Variants in TDRD9 observed in about 807,000 individuals in gnomAD.
The protein encoded by TDRD9 is tudor domain containing 9, also known as ATP-dependent RNA helicase TDRD9.
In TDRD9, 124 loss-of-function variants were observed where a neutral mutation model predicts 172.6. That is an observed-to-expected ratio of 0.72 (90% CI 0.62 to 0.83). The LOEUF is 0.83. Among genes scored for constraint, TDRD9 ranks in the 40% least tolerant of loss-of-function variants. The probability of loss-of-function intolerance (pLI) is 0.00; values close to 1 mark genes in which losing one functional copy is unlikely to be tolerated. For synonymous variants in TDRD9, 619 were observed against 617.1 expected, an observed-to-expected ratio of 1.00 and a Z score of -0.05; for missense variants, 1,479 against 1,714.1, an observed-to-expected ratio of 0.86 and a Z score of 2.42.
chr14:103,972,356 C>T (rs2033071008), intron 6 of TDRD9, among the ~76,000 whole-genome samples: 1 of 151,818 alleles, frequency 6.6e-6, no homozygotes, highest in African/African-American at 2.4e-5. Flanking sequence ...ATCTGCAGTC[C>T]CTGTGTTCGA....
At position 103,997,792 on chromosome 14, in the gene TDRD9, G is replaced by A. The variant is rs1456015545; in HGVS notation, c.1379-832G>A. ...GGGGATGGAGTGGAGGAGTGCATCA[G>A]ATGCCCATGGCGGGTCAAGGAGGAC... On this transcript the variant is annotated intron_variant, in intron 12 of 35. Coordinates refer to ENST00000409874, the MANE Select transcript of TDRD9 (RefSeq NM_153046.3). The surrounding 1 kb of genome is among the most constrained non-coding windows in gnomAD (Gnocchi z 5.1). Among the ~76,000 whole-genome samples, 4 of 152,214 alleles carry A rather than the reference G, an allele frequency of 2.6e-5. No homozygotes were observed. Among genetic ancestry groups the A allele is most frequent in the Admixed American group, 6.5e-5 (1 of 15,288 alleles).
At chr14:103,956,814 T>C (rs2032268973) in intron 2 of TDRD9, among the ~76,000 whole-genome samples, 1 of 152,030 alleles carries the variant, frequency 6.6e-6, no homozygotes, top group Non-Finnish European at 1.5e-5. Flanking sequence ...GAGTATGGAG[T>C]TTTTTTCTGA....
chr14:103,978,697 A>G (rs1478351956), intron 7 of TDRD9, among the ~76,000 whole-genome samples: 1 of 152,222 alleles, frequency 6.6e-6, no homozygotes, highest in Non-Finnish European at 1.5e-5. Flanking sequence ...GAGGAAGACC[A>G]CAGGCTGAGG....
intron 9 of TDRD9, among the ~76,000 whole-genome samples, chr14:103,993,845 CACA>C (rs2033961286): frequency 3.3e-5 from 5 of 152,202 alleles, no homozygotes; most frequent in African/African-American, 1.2e-4. Flanking sequence ...TTTTAGGGGA[CACA>C]GTTCAACCCA....
At chr14:103,995,835 G>A in intron 12 of TDRD9, 28 bp downstream of exon 12, 1 of 1,582,458 alleles carries the variant, frequency 6.3e-7, no homozygotes, top group Non-Finnish European at 8.6e-7. Flanking sequence ...TTACCTCCTG[G>A]CATTAGCTGT....
chr14:103,952,045 G>A (rs1377394490), intron 1 of TDRD9, among the ~76,000 whole-genome samples: 5 of 150,416 alleles, frequency 3.3e-5, no homozygotes, highest in Admixed American at 1.3e-4. Context: ...TGGGATTACC[G>A]GCGTGAGCCA....
chr14:103,933,163 C>T (rs999396648), intron 1 of TDRD9, among the ~76,000 whole-genome samples: 32 of 152,218 alleles, frequency 2.1e-4, no homozygotes, highest in Non-Finnish European at 1.0e-4. Flanking sequence ...ATTATTCTTT[C>T]TGTTATCCTT....
Position 104,034,831 on chromosome 14 carries a change from G to T in TDRD9, c.3620-129G>T, listed in dbSNP as rs1038349794. The T allele has an allele frequency of 6.2e-6, 4 of 643,628 alleles. No homozygotes were observed. The East Asian group carries it at 1.1e-4, about 18-fold the overall frequency. 39.9% of individuals were successfully genotyped at this position (643,628 alleles called of 1,614,324 possible). ...GGAGTGTGCGTTACTATTGGGGTGGGCCTGTGGGGACTGGACAGACTCAGC... is the reference window on the plus strand; with the variant it reads ...GGAGTGTGCGTTACTATTGGGGTGGTCCTGTGGGGACTGGACAGACTCAGC... On this transcript the variant is annotated intron_variant, in intron 31 of 35. Coordinates refer to ENST00000409874, the MANE Select transcript of TDRD9 (RefSeq NM_153046.3).
At chr14:104,038,898 G>A (rs2035530378) in intron 32 of TDRD9, among the ~76,000 whole-genome samples, 1 of 152,138 alleles carries the variant, frequency 6.6e-6, no homozygotes, top group South Asian at 2.1e-4. Flanking sequence ...TCAAACTCTT[G>A]GCCTCAAGTG....
intron 34 of TDRD9, among the ~76,000 whole-genome samples, chr14:104,048,395 C>T (rs971882057): frequency 6.6e-5 from 10 of 152,146 alleles, no homozygotes; most frequent in African/African-American, 1.2e-4. Context: ...TATGTGACCA[C>T]GCCCAGCTCG....
chr14:104,024,620 T>C lies in TDRD9; in HGVS notation c.2658T>C (p.Phe886=), dbSNP rs752691504. ...KQTVDPMQVS[F]NTSDRSQTVT... is the part of the protein sequence containing the mutation. ...CGGTAGATCCTATGCAAGTCTCCTT[T>C]AACACATCAGACAGGTCCCAGACAG... Residue 886 remains phenylalanine (F), a synonymous_variant, in exon 25 of 36, where the codon TTT becomes TTC. Coordinates refer to ENST00000409874, the MANE Select transcript of TDRD9 (RefSeq NM_153046.3). 2 of 1,613,356 alleles carry C rather than the reference T, an allele frequency of 1.2e-6. No homozygotes were observed. The highest frequency in any genetic ancestry group is 2.7e-5 in the African/African-American group (2 of 74,892).
chr14:103,930,118 C>T (rs556401516), intron 1 of TDRD9, among the ~76,000 whole-genome samples: 16 of 152,112 alleles, frequency 1.1e-4, no homozygotes, highest in African/African-American at 1.7e-4. Flanking sequence ...GGAGTATCTC[C>T]GTCACTCTTG....
At chr14:104,025,439 T>G in intron 25 of TDRD9, 125 bp from the exon 26 acceptor site, 1 of 713,870 alleles carries the variant, frequency 1.4e-6, no homozygotes, top group Non-Finnish European at 2.3e-6. Context: ...AATACTTATG[T>G]TCCGAGGATT....
At chr14:103,959,817 A>T (rs1297851528) in intron 2 of TDRD9, among the ~76,000 whole-genome samples, 1 of 152,214 alleles carries the variant, frequency 6.6e-6, no homozygotes, top group Non-Finnish European at 1.5e-5. Context: ...TGCATTGATA[A>T]ATGAAATCTT....
chr14:103,958,725 C>T (rs76314682), intron 2 of TDRD9, among the ~76,000 whole-genome samples: 3,529 of 152,302 alleles, frequency 0.023, 78 homozygotes, highest in East Asian at 0.071. Context: ...ACAGAGCCTC[C>T]GGAAGGATCC....
intron 8 of TDRD9, among the ~76,000 whole-genome samples, chr14:103,987,162 A>C (rs983097208): frequency 3.1e-4 from 45 of 145,196 alleles, no homozygotes; most frequent in Admixed American, 7.7e-4. Flanking sequence ...ACACACACAC[A>C]CCATATGATT....
intron 34 of TDRD9, among the ~76,000 whole-genome samples, chr14:104,047,990 C>T (rs1028695012): frequency 2.0e-5 from 3 of 152,224 alleles, no homozygotes; most frequent in South Asian, 2.1e-4. Flanking sequence ...GCTGGCCACA[C>T]ACTCAGCCTC....
chr14:103,975,681 G>A, intron 7 of TDRD9, 128 bp downstream of exon 7: 3 of 926,364 alleles, frequency 3.2e-6, no homozygotes, highest in Non-Finnish European at 4.6e-6. Context: ...CATACTAAGT[G>A]TACATATTTA....
chr14:103,959,608 T>G (rs1483337787), intron 2 of TDRD9, among the ~76,000 whole-genome samples: 1 of 152,190 alleles, frequency 6.6e-6, no homozygotes, highest in Non-Finnish European at 1.5e-5. Context: ...ATGAACATTT[T>G]GTTATATCCA....
Sources: gnomAD v4.1 joint callset for allele counts (sites outside exome capture counted in the v4.1 genomes callset) on GRCh38, gnomAD v4.1.1 for gene constraint, Gnocchi (gnomAD v3.1) non-coding constraint, MANE v1.5 for transcripts, NCBI Gene and HGNC (gene_info 2026-07-23, HGNC 2026-07-21) for gene names.